CRACR2A: variants seen among roughly 807,000 people sequenced by gnomAD.
CRACR2A encodes calcium release activated channel regulator 2A.
A neutral mutation model predicts 90.5 loss-of-function variants in CRACR2A; 79 were observed. The ratio of observed to expected loss-of-function variants is 0.87; its 90% CI spans 0.73 to 1.05. The LOEUF is 1.05. Ranked by LOEUF, CRACR2A falls within the 50% of genes least tolerant of loss-of-function variation. The pLI is 0.00. For missense variants in CRACR2A, 823 were observed against 897.2 expected (o/e 0.92, Z 1.06); for synonymous variants, 338 against 356.7 (o/e 0.95, Z 0.59).
At chr12:3,728,998 T>G (rs1285332969) in intron 2 of CRACR2A, 1 of 152,194 alleles carries the variant, frequency 6.6e-6, no homozygotes, top group Non-Finnish European at 1.5e-5. Context: ...TTTGTCTCTT[T>G]TGTCACATTC....
intron 1 of CRACR2A, among the ~76,000 whole-genome samples, chr12:3,743,250 A>T (rs1946556895): frequency 6.6e-6 from 1 of 152,166 alleles, no homozygotes; most frequent in Non-Finnish European, 1.5e-5. Context: ...CACTCATTTT[A>T]CCTGGCAGTT....
At chr12:3,639,333 AATCGGGGAACTGG>A (rs1565468631) in intron 13 of CRACR2A, among the ~76,000 whole-genome samples, 1 of 152,066 alleles carries the variant, frequency 6.6e-6, no homozygotes, top group Non-Finnish European at 1.5e-5. Flanking sequence ...CAGTGCAGGG[AATCGGGGAACTGG>A]ATGTGGGGGT....
At chr12:3,740,317 G>C (rs1310906971) in intron 1 of CRACR2A, among the ~76,000 whole-genome samples, 1 of 151,782 alleles carries the variant, frequency 6.6e-6, no homozygotes, top group Admixed American at 6.6e-5. Flanking sequence ...TAGGGTCTCT[G>C]CCCAATTTTT....
At position 3,741,925 on chromosome 12, in the gene CRACR2A, G is replaced by A. The variant is rs953450771; in HGVS notation, c.-386-8715C>T. ...GCCTGCAGTAATGAAGTGGGCACATGTGTCCTCTCAGTGAGGGCAAGAGAG... is the reference window on the plus strand; with the variant it reads ...GCCTGCAGTAATGAAGTGGGCACATATGTCCTCTCAGTGAGGGCAAGAGAG... On this transcript the variant is annotated intron_variant, in intron 1 of 19. Transcript: ENST00000440314. Among the ~76,000 whole-genome samples, 4 of 152,376 alleles carry A rather than the reference G, an allele frequency of 2.6e-5. 1 individual carries two copies. The South Asian group carries it at 8.3e-4, about 32-fold the overall frequency.
intron 4 of CRACR2A, among the ~76,000 whole-genome samples, chr12:3,684,932 C>T (rs143813221): frequency 3.3e-5 from 5 of 152,284 alleles, no homozygotes; most frequent in East Asian, 1.9e-4. Context: ...GTGTGGGAGC[C>T]GCCAGATTAA....
chr12:3,618,091 G>A (rs1483163278), intron 18 of CRACR2A, among the ~76,000 whole-genome samples: 2 of 151,526 alleles, frequency 1.3e-5, no homozygotes, highest in Non-Finnish European at 2.9e-5. Flanking sequence ...CCTGCTTTGA[G>A]TTCTGACCCC....
chr12:3,647,910 T>C lies in CRACR2A; in HGVS notation c.1118+632A>G, dbSNP rs576824519. The C allele has an allele frequency of 1.3e-5, 13 of 985,486 alleles. No homozygotes were observed. In the East Asian group the frequency reaches 7.9e-4, roughly 60 times the overall value. The allele number at this position is 985,486 out of a possible 1,614,324, so 61.0% of individuals were successfully genotyped here. A position where few individuals can be genotyped will look rare whatever the true frequency, so the allele number is the denominator to read the frequency against. ...CCATCTTTCCCCACACGGGTTTGTC[T>C]TTCTGAGGAGGGGAGGGTGGTGCAC... On this transcript the variant is annotated intron_variant, in intron 11 of 19. Coordinates refer to ENST00000440314, the MANE Select transcript of CRACR2A (RefSeq NM_001144958.2).
chr12:3,651,290 C>A (rs1226869200), intron 10 of CRACR2A, among the ~76,000 whole-genome samples: 1 of 152,222 alleles, frequency 6.6e-6, no homozygotes, highest in Non-Finnish European at 1.5e-5. Flanking sequence ...TGCGTGTGCA[C>A]GTGTGTGCAC....
chr12:3,696,980 C>G lies in CRACR2A; in HGVS notation c.20G>C (p.Arg7Thr). 1 of 1,590,304 alleles carries G rather than the reference C, an allele frequency of 6.3e-7. No individual in the cohort carries two copies. Residue 7 changes from arginine to threonine, a missense_variant, in exon 4 of 20, where the codon AGG (arginine) becomes ACG (threonine). Coordinates refer to ENST00000440314, the MANE Select transcript of CRACR2A (RefSeq NM_001144958.2). Reference sequence around the variant, plus strand: ...AAGTCTCTGGGGTCTGGAGACTACCCTCCCGTCAGGGGCAGCCATCGCGAT... The same window carrying G: ...AAGTCTCTGGGGTCTGGAGACTACCGTCCCGTCAGGGGCAGCCATCGCGAT... MAAPDG[R>T]VVSRPQRLGQ...
intron 4 of CRACR2A, among the ~76,000 whole-genome samples, chr12:3,682,467 T>C (rs1945474673): frequency 6.6e-6 from 1 of 152,184 alleles, no homozygotes; most frequent in Non-Finnish European, 1.5e-5. Context: ...TGTCTACATC[T>C]CAAGTCAGTT....
intron 17 of CRACR2A, among the ~76,000 whole-genome samples, chr12:3,623,517 G>A (rs553896145): frequency 6.6e-5 from 10 of 152,074 alleles, no homozygotes; most frequent in African/African-American, 2.4e-4. Flanking sequence ...TTCTCTACCC[G>A]ACACAGGCCC....
At chr12:3,698,239 G>A (rs1016597655) in intron 3 of CRACR2A, among the ~76,000 whole-genome samples, 1 of 152,080 alleles carries the variant, frequency 6.6e-6, no homozygotes, top group Non-Finnish European at 1.5e-5. Context: ...TTAAATACAC[G>A]ATGACATTTG....
At chr12:3,728,572 C>T (rs1946308062) in intron 2 of CRACR2A, 1 of 152,248 alleles carries the variant, frequency 6.6e-6, no homozygotes, top group South Asian at 2.1e-4. Flanking sequence ...CCCATCCTCC[C>T]CTCACCCCTG....
intron 1 of CRACR2A, among the ~76,000 whole-genome samples, chr12:3,748,486 G>A (rs975138681): frequency 2.6e-5 from 4 of 152,156 alleles, no homozygotes; most frequent in African/African-American, 7.2e-5. Context: ...AAAACACACC[G>A]ACAAGGGGGA....
chr12:3,623,325 C>T (rs921065680), intron 17 of CRACR2A, among the ~76,000 whole-genome samples: 11 of 152,106 alleles, frequency 7.2e-5, no homozygotes, highest in Non-Finnish European at 1.5e-4. Context: ...GGCTTAACTC[C>T]GCCAATTCTA....
At chr12:3,691,049 C>A (rs548760075) in intron 4 of CRACR2A, among the ~76,000 whole-genome samples, 1 of 152,314 alleles carries the variant, frequency 6.6e-6, no homozygotes, top group African/African-American at 2.4e-5. Flanking sequence ...TGTGTCACTG[C>A]AAGTGAGATG....
intron 7 of CRACR2A, among the ~76,000 whole-genome samples, chr12:3,668,412 T>G (rs758526): frequency 0.15 from 22,477 of 152,124 alleles, 1,848 homozygotes; most frequent in South Asian, 0.26. Context: ...GACGCACCGA[T>G]TTAGACTCCC....
chr12:3,616,930 C>T (rs1477313932), intron 19 of CRACR2A, 24 bp downstream of exon 19: 8 of 1,534,888 alleles, frequency 5.2e-6, no homozygotes, highest in Non-Finnish European at 7.1e-6. Flanking sequence ...GCAGTTACTG[C>T]ACCTGGGGAG....
intron 13 of CRACR2A, 118 bp from the exon 14 acceptor site, chr12:3,638,572 A>G: frequency 8.3e-7 from 1 of 1,211,686 alleles, no homozygotes; most frequent in Admixed American, 2.9e-5. Flanking sequence ...TTTGGACAAG[A>G]GCAGTCCGGG....
Sources: gnomAD v4.1 joint callset for allele counts (sites outside exome capture counted in the v4.1 genomes callset) on GRCh38, gnomAD v4.1.1 for gene constraint, MANE v1.5 for transcripts, NCBI Gene and HGNC (gene_info 2026-07-23, HGNC 2026-07-21) for gene names.